IGFL2: variants seen among roughly 807,000 people sequenced by gnomAD.
IGFL2 encodes insulin growth factor-like family member 2.
Under a neutral mutation model 13.9 loss-of-function variants are expected in IGFL2, and 7 were observed. That is an observed-to-expected ratio of 0.51 (90% CI 0.29 to 0.95). The LOEUF (loss-of-function observed/expected upper bound fraction) is 0.95. Ranked by LOEUF, IGFL2 falls within the 40% of genes least tolerant of loss-of-function variation. IGFL2 has a pLI of 0.08. For synonymous variants in IGFL2, 55 were observed against 55.8 expected (o/e 0.99, Z 0.07); for missense variants, 138 against 147.8 (o/e 0.93, Z 0.34).
the IGFL2 span, among the ~76,000 whole-genome samples, chr19:46,202,360 A>C: frequency 6.6e-6 from 1 of 152,232 alleles, no homozygotes; most frequent in Non-Finnish European, 1.5e-5. Flanking sequence ...CTGTTGCAGA[A>C]GAAAATAAGA....
At chr19:46,199,672 G>A in the IGFL2 span, among the ~76,000 whole-genome samples, 2 of 152,260 alleles carry the variant, frequency 1.3e-5, no homozygotes, top group South Asian at 4.1e-4. Context: ...CTCTCCTCGG[G>A]ACACAATCCT....
At chr19:46,141,705 CCTT>C (rs1224423392), upstream of IGFL2, among the ~76,000 whole-genome samples, 1 of 152,096 alleles carries the variant, frequency 6.6e-6, no homozygotes, top group African/African-American at 2.4e-5. Context: ...CAGGGTTTCT[CCTT>C]CTCCCCATCT....
the IGFL2 span, among the ~76,000 whole-genome samples, chr19:46,083,509 C>A: frequency 6.6e-6 from 1 of 152,104 alleles, no homozygotes; most frequent in African/African-American, 2.4e-5. Flanking sequence ...AACACAGTTA[C>A]TTTGGGGAGG....
chr19:46,165,927 G>A (rs995489630), downstream of IGFL2, among the ~76,000 whole-genome samples: 11 of 152,202 alleles, frequency 7.2e-5, no homozygotes, highest in East Asian at 3.9e-4. Flanking sequence ...GTAGCTGGCC[G>A]CCCCCTTTGG....
the IGFL2 span, among the ~76,000 whole-genome samples, chr19:46,120,997 T>A: frequency 3.3e-5 from 5 of 150,772 alleles, no homozygotes; most frequent in African/African-American, 1.2e-4. Flanking sequence ...TTTTAATTCA[T>A]ATCCAACTTG....
the IGFL2 span, among the ~76,000 whole-genome samples, chr19:46,099,664 A>G: frequency 2.0e-5 from 3 of 151,542 alleles, no homozygotes; most frequent in African/African-American, 7.3e-5. Context: ...AGTAGCTGGT[A>G]TTACAGGCGC....
the IGFL2 span, among the ~76,000 whole-genome samples, chr19:46,112,307 G>A: frequency 6.6e-6 from 1 of 152,128 alleles, no homozygotes; most frequent in East Asian, 1.9e-4. Context: ...ACCACCTGAG[G>A]GTACATTCTG....
At chr19:46,099,493 C>T in the IGFL2 span, among the ~76,000 whole-genome samples, 1 of 151,086 alleles carries the variant, frequency 6.6e-6, no homozygotes, top group Non-Finnish European at 1.5e-5. Context: ...TACATAGTCT[C>T]ATAGTTCTCG....
chr19:46,160,328 C>T, intron 1 of IGFL2, 87 bp from the exon 2 acceptor site: 4 of 1,200,956 alleles, frequency 3.3e-6, no homozygotes, highest in Non-Finnish European at 4.8e-6. Flanking sequence ...GGAACTAAGC[C>T]TTCCCCACCC....
the IGFL2 span, among the ~76,000 whole-genome samples, chr19:46,119,519 T>C: frequency 0.18 from 26,657 of 150,938 alleles, 4,668 homozygotes; most frequent in African/African-American, 0.4. Flanking sequence ...AAAACAGTCA[T>C]TCTCATCCCA....
At chr19:46,115,539 T>G in the IGFL2 span, among the ~76,000 whole-genome samples, 1 of 151,936 alleles carries the variant, frequency 6.6e-6, no homozygotes, top group Non-Finnish European at 1.5e-5. Context: ...CTCTGAGAGG[T>G]AGCTATGCAG....
At chr19:46,103,778 A>C in the IGFL2 span, among the ~76,000 whole-genome samples, 1 of 152,318 alleles carries the variant, frequency 6.6e-6, no homozygotes, top group African/African-American at 2.4e-5. Flanking sequence ...CCTAATAAAA[A>C]TGATAGGATG....
the IGFL2 span, among the ~76,000 whole-genome samples, chr19:46,094,837 T>C: frequency 6.6e-6 from 1 of 152,220 alleles, no homozygotes; most frequent in Non-Finnish European, 1.5e-5. Flanking sequence ...GCTTCATCTA[T>C]GTCCCTGCAA....
chr19:46,175,244 C>T, the IGFL2 span, among the ~76,000 whole-genome samples: 15,337 of 152,158 alleles, frequency 0.1, 1,098 homozygotes, highest in African/African-American at 0.2. Flanking sequence ...GCACATTTAT[C>T]TGTTAATACT....
At chr19:46,110,382 C>G in the IGFL2 span, among the ~76,000 whole-genome samples, 2 of 152,238 alleles carry the variant, frequency 1.3e-5, no homozygotes, top group Admixed American at 6.5e-5. Flanking sequence ...ACAACACAAT[C>G]ACTCACTGCC....
At chr19:46,080,609 T>C in the IGFL2 span, among the ~76,000 whole-genome samples, 1 of 152,182 alleles carries the variant, frequency 6.6e-6, no homozygotes, top group African/African-American at 2.4e-5. Context: ...CAAAAAGAGG[T>C]TGAGATCTTC....
At chr19:46,148,899 G>A in intron 1 of IGFL2, 3 of 1,548,396 alleles carry the variant, frequency 1.9e-6, no homozygotes, top group Non-Finnish European at 2.6e-6. Context: ...ACTGTGATGA[G>A]GGGATCATCC....
chr19:46,163,602 G>A (rs982752856), downstream of IGFL2, among the ~76,000 whole-genome samples: 32 of 152,182 alleles, frequency 2.1e-4, no homozygotes, highest in African/African-American at 7.2e-4. Context: ...TCTGAGGGTG[G>A]CAAGGACAGT....
At chr19:46,194,846 ATATATATTTTTTTT>A in the IGFL2 span, among the ~76,000 whole-genome samples, 87 of 34,908 alleles carry the variant, frequency 2.5e-3, 1 homozygote, top group African/African-American at 7.5e-3. Context: ...ATATATATAT[ATATATATTTTTTTT>A]TTTTTTTTTT....
Sources: allele counts gnomAD v4.1 joint callset (sites outside exome capture counted in the v4.1 genomes callset), GRCh38; gene constraint gnomAD v4.1.1; transcripts MANE v1.5; gene names NCBI Gene and HGNC (gene_info 2026-07-23, HGNC 2026-07-21).